GRXCR1: variants seen among roughly 807,000 people sequenced by gnomAD.
GRXCR1 encodes glutaredoxin and cysteine rich domain containing 1.
Under a neutral mutation model 27.3 loss-of-function variants are expected in GRXCR1, and 27 were observed. The observed-to-expected ratio is 0.99, with a 90% CI of 0.73 to 1.37. GRXCR1 has a LOEUF of 1.37. GRXCR1 is among the 40% of genes most tolerant of loss of function. GRXCR1 has a pLI of 0.00. For synonymous variants in GRXCR1, 122 were observed against 131.1 expected, an observed-to-expected ratio of 0.93 and a Z score of 0.47; for missense variants, 379 against 354.4, an observed-to-expected ratio of 1.07 and a Z score of -0.56.
intron 1 of GRXCR1, among the ~76,000 whole-genome samples, chr4:42,923,193 C>G (rs770670894): frequency 8.5e-5 from 13 of 152,080 alleles, no homozygotes; most frequent in Non-Finnish European, 1.5e-4. Context: ...CCCTGCCTTC[C>G]CAGGCTAACA....
intron 2 of GRXCR1, among the ~76,000 whole-genome samples, chr4:43,003,227 A>T (rs1215002129): frequency 6.6e-6 from 1 of 152,176 alleles, no homozygotes; most frequent in Non-Finnish European, 1.5e-5. Context: ...AGAATGCAGC[A>T]CACCAACATG....
At chr4:42,929,096 C>T (rs545607560) in intron 1 of GRXCR1, among the ~76,000 whole-genome samples, 2 of 152,130 alleles carry the variant, frequency 1.3e-5, no homozygotes, top group South Asian at 4.1e-4. Context: ...CTGGACTTAA[C>T]ATCTGGGTTC....
Sources: gnomAD v4.1 joint callset for allele counts (sites outside exome capture counted in the v4.1 genomes callset) on GRCh38, gnomAD v4.1.1 for gene constraint, MANE v1.5 for transcripts, NCBI Gene and HGNC (gene_info 2026-07-23, HGNC 2026-07-21) for gene names.